PAXBP1: variants seen among roughly 807,000 people sequenced by gnomAD.
The protein encoded by PAXBP1 is PAX3- and PAX7-binding protein 1.
PAXBP1 carries 44 observed loss-of-function variants against 119.9 expected under a neutral mutation model. That is an observed-to-expected ratio of 0.37 (90% CI 0.29 to 0.47). The LOEUF is 0.47. PAXBP1 is among the 20% of genes least tolerant of loss of function. The pLI, the probability that PAXBP1 is intolerant of heterozygous loss-of-function variation, is 0.99. For synonymous variants in PAXBP1, 393 were observed against 406.6 expected (o/e 0.97, Z 0.40); for missense variants, 898 against 1,134.1 (o/e 0.79, Z 2.99).
intron 2 of PAXBP1, among the ~76,000 whole-genome samples, chr21:32,768,550 T>C (rs1212980908): frequency 6.6e-6 from 1 of 152,236 alleles, no homozygotes; most frequent in African/African-American, 2.4e-5. Context: ...AATTTCCTAC[T>C]AAATCAGTAG....
Position 32,771,717 on chromosome 21 carries a change from C to G in PAXBP1, c.-49G>C. ...AATACTCGCTTCCACACCGCGGCCC[C>G]GGCAGCGCCGAGCTCGTGACGGCGC... On this transcript the variant is annotated 5_prime_UTR_variant, in exon 1 of 18. Transcript: ENST00000331923. The G allele has an allele frequency of 7.5e-7, 1 of 1,331,498 alleles. No individual in the cohort carries two copies. The highest frequency in any genetic ancestry group is 9.6e-7 in the Non-Finnish European group (1 of 1,038,628). 82.5% of individuals were successfully genotyped at this position (1,331,498 alleles called of 1,614,324 possible). A position where few individuals can be genotyped will look rare whatever the true frequency, so the allele number is the denominator to read the frequency against.
chr21:32,744,078 A>C (rs1301793940), intron 13 of PAXBP1, among the ~76,000 whole-genome samples: 1 of 152,172 alleles, frequency 6.6e-6, no homozygotes, highest in East Asian at 1.9e-4. Context: ...AACAGCTTCT[A>C]TGAATGGCCC....
At chr21:32,745,825 C>T in intron 11 of PAXBP1, 107 bp from the exon 12 acceptor site, 1 of 1,387,554 alleles carries the variant, frequency 7.2e-7, no homozygotes, top group Non-Finnish European at 9.9e-7. Flanking sequence ...TTGCAAACAA[C>T]TAAAAACTGG....
At chr21:32,735,197 CAG>C in intron 17 of PAXBP1, 130 bp from the exon 18 acceptor site, 3 of 647,016 alleles carry the variant, frequency 4.6e-6, no homozygotes, top group Non-Finnish European at 8.0e-6. Context: ...AGAAAGGAAA[CAG>C]ATATGCAAGC....
chr21:32,755,477 C>G, intron 7 of PAXBP1, 124 bp from the exon 8 acceptor site: 6 of 1,264,354 alleles, frequency 4.7e-6, no homozygotes, highest in Non-Finnish European at 6.5e-6. Flanking sequence ...TCATGAATCC[C>G]CAACAGCACA....
At chr21:32,744,036 A>G (rs1464697148) in intron 13 of PAXBP1, among the ~76,000 whole-genome samples, 2 of 152,154 alleles carry the variant, frequency 1.3e-5, no homozygotes, top group Non-Finnish European at 2.9e-5. Context: ...AAATTCAACA[A>G]TGACAAAGAG....
At position 32,751,079 on chromosome 21, in the gene PAXBP1, C is replaced by T. The variant is rs777119143; in HGVS notation, c.1607+40G>A. On this transcript the variant is annotated intron_variant, in intron 9 of 17. Coordinates refer to ENST00000331923, the MANE Select transcript of PAXBP1 (RefSeq NM_016631.4). ...CCCAAACTAGATAACAGAGACTCCT[C>T]CCTTCCCAAACAAGCCAGAGCAAGG... The T allele has an allele frequency of 2.5e-5, 40 of 1,612,540 alleles. No homozygotes were observed. The East Asian group carries it at 3.8e-4, about 15-fold the overall frequency.
chr21:32,754,462 C>T (rs962049319), intron 8 of PAXBP1, among the ~76,000 whole-genome samples: 11 of 152,062 alleles, frequency 7.2e-5, no homozygotes, highest in African/African-American at 2.4e-4. Context: ...CCTATTAGCG[C>T]ACTCAAGAAT....
chr21:32,744,714 C>A (rs1601589023), intron 13 of PAXBP1, 78 bp downstream of exon 13: 2 of 1,399,068 alleles, frequency 1.4e-6, no homozygotes, highest in South Asian at 3.1e-5. Context: ...TTTAGGATAA[C>A]CACTCATTCT....
chr21:32,766,949 T>C (rs1473563049), intron 2 of PAXBP1, among the ~76,000 whole-genome samples: 1 of 152,216 alleles, frequency 6.6e-6, no homozygotes, highest in Non-Finnish European at 1.5e-5. Flanking sequence ...TCTTTTCCTC[T>C]TTGGCCTTCC....
intron 3 of PAXBP1, 99 bp downstream of exon 3, chr21:32,764,249 G>A: frequency 8.6e-7 from 1 of 1,163,812 alleles, no homozygotes; most frequent in African/African-American, 1.6e-5. Context: ...GTCATAATAA[G>A]AAACACCACT....
intron 7 of PAXBP1, among the ~76,000 whole-genome samples, chr21:32,757,347 A>AAG (rs2044059930): frequency 6.6e-6 from 1 of 152,190 alleles, no homozygotes; most frequent in African/African-American, 2.4e-5. Context: ...TACTCTTAAA[A>AAG]TGAAATACAC....
At chr21:32,748,367 A>G in intron 11 of PAXBP1, 132 bp downstream of exon 11, 1 of 680,090 alleles carries the variant, frequency 1.5e-6, no homozygotes, top group Non-Finnish European at 2.4e-6. Context: ...ACCAGATACA[A>G]TCTATCAATT....
intron 13 of PAXBP1, among the ~76,000 whole-genome samples, 168 bp from the exon 14 acceptor site, chr21:32,743,922 T>G (rs1207183352): frequency 6.6e-6 from 1 of 152,172 alleles, no homozygotes; most frequent in Non-Finnish European, 1.5e-5. Context: ...AATCTATTAG[T>G]TCATTCCTCA....
At position 32,738,182 on chromosome 21, in the gene PAXBP1, T is replaced by A; in HGVS notation, c.2472A>T (p.Lys824Asn). 1 of 1,570,298 alleles carries A rather than the reference T, an allele frequency of 6.4e-7. No individual in the cohort carries two copies. The highest frequency in any genetic ancestry group is 1.2e-5 in the South Asian group (1 of 81,966). ...TATGCATTTAACTCACATTTTGGGC[T>A]TTTTTGATGCTGTCATCTCCATATT... ...NSEYGDDSIK[K>N]AQNVINCFPK... Residue 824 changes from lysine (K) to asparagine (N), a missense_variant, in exon 16 of 18, where the codon AAA (lysine) becomes AAT (asparagine). By Grantham distance (94) the Lys-to-Asn change is moderately conservative. This residue lies in a region of PAXBP1 where 599 missense variants were observed against 852.7 expected (regional missense o/e 0.70). Coordinates refer to ENST00000331923, the MANE Select transcript of PAXBP1 (RefSeq NM_016631.4).
At chr21:32,745,551 A>C in intron 12 of PAXBP1, 23 bp downstream of exon 12, 2 of 1,612,724 alleles carry the variant, frequency 1.2e-6, no homozygotes, top group Non-Finnish European at 1.7e-6. Flanking sequence ...CTGAATGCTC[A>C]ATTCAGAGAA....
chr21:32,745,063 A>T (rs1243141184), intron 12 of PAXBP1, 150 bp from the exon 13 acceptor site: 3 of 800,794 alleles, frequency 3.7e-6, no homozygotes, highest in African/African-American at 3.7e-5. Context: ...TAACTGTGGG[A>T]ATTTGGAGGG....
At chr21:32,767,130 C>T (rs2044255008) in intron 2 of PAXBP1, among the ~76,000 whole-genome samples, 1 of 152,180 alleles carries the variant, frequency 6.6e-6, no homozygotes, top group Non-Finnish European at 1.5e-5. Context: ...TCTAGGTATT[C>T]ACTGACTACT....
At chr21:32,757,835 CA>C (rs1305524925) in intron 7 of PAXBP1, among the ~76,000 whole-genome samples, 15 of 152,254 alleles carry the variant, frequency 9.9e-5, no homozygotes, top group Non-Finnish European at 5.9e-5. Flanking sequence ...GTAGGAAGGA[CA>C]TGACTGTCAA....
Sources: allele counts gnomAD v4.1 joint callset (sites outside exome capture counted in the v4.1 genomes callset), GRCh38; gene constraint gnomAD v4.1.1; regional missense constraint gnomAD v4.1.1; transcripts MANE v1.5; gene names NCBI Gene and HGNC (gene_info 2026-07-23, HGNC 2026-07-21).